Variants in LSAMP observed in about 807,000 individuals in gnomAD.
LSAMP encodes limbic system-associated membrane protein.
LSAMP carries 7 observed loss-of-function variants against 38.6 expected under a neutral mutation model. The ratio of observed to expected loss-of-function variants is 0.18; its 90% CI spans 0.10 to 0.34. LSAMP has a LOEUF of 0.34. Ranked by LOEUF, LSAMP falls within the 10% of genes least tolerant of loss-of-function variation. LSAMP has a pLI of 1.00. For missense variants in LSAMP, 313 were observed against 420.0 expected (o/e 0.75, Z 2.23); for synonymous variants, 154 against 166.8 (o/e 0.92, Z 0.59).
intron 5 of LSAMP, 58 bp from the exon 6 acceptor site, chr3:115,842,051 A>T (rs1935014578): frequency 6.5e-7 from 1 of 1,533,004 alleles, no homozygotes. Flanking sequence ...TTAGCTTAGG[A>T]ATTCTTTCCC....
chr3:116,131,606 A>C (rs1167858058), intron 1 of LSAMP, among the ~76,000 whole-genome samples: 1 of 152,146 alleles, frequency 6.6e-6, no homozygotes, highest in African/African-American at 2.4e-5. Flanking sequence ...AAAGCAAGTA[A>C]AGCAAGGCGT....
chr3:116,107,188 T>C (rs1157482166), intron 1 of LSAMP, among the ~76,000 whole-genome samples: 2 of 152,028 alleles, frequency 1.3e-5, no homozygotes, highest in Non-Finnish European at 2.9e-5. Context: ...TCTGGAATAA[T>C]GTGGGAGGCT....
intron 1 of LSAMP, chr3:116,367,845 A>G (rs1208136680): frequency 6.6e-6 from 1 of 151,942 alleles, no homozygotes; most frequent in Non-Finnish European, 1.5e-5. Flanking sequence ...CAAACAAACG[A>G]ACAAAAAAAA....
At chr3:116,118,279 A>G (rs1263098128) in intron 1 of LSAMP, among the ~76,000 whole-genome samples, 1 of 152,100 alleles carries the variant, frequency 6.6e-6, no homozygotes, top group Non-Finnish European at 1.5e-5. Flanking sequence ...TCTTATTTTA[A>G]TTGCTCCCCA....
chr3:115,940,984 A>T (rs1351238607), intron 3 of LSAMP, among the ~76,000 whole-genome samples: 1 of 152,190 alleles, frequency 6.6e-6, no homozygotes, highest in Admixed American at 6.5e-5. Flanking sequence ...AATCAACAAG[A>T]TAAATAGGCA....
chr3:115,908,733 T>C (rs529139548), intron 3 of LSAMP, among the ~76,000 whole-genome samples: 1 of 152,264 alleles, frequency 6.6e-6, no homozygotes, highest in African/African-American at 2.4e-5. Context: ...AAAGCATTAG[T>C]TTTAAGTCAT....
chr3:116,305,933 CT>C (rs11347560), intron 1 of LSAMP, among the ~76,000 whole-genome samples: 97,920 of 143,892 alleles, frequency 0.68, 36,122 homozygotes, highest in East Asian at 0.89. Context: ...TATTTCAGTG[CT>C]TTTTTTTTTT....
chr3:116,273,813 TTCTC>T (rs1553719974), intron 1 of LSAMP, among the ~76,000 whole-genome samples: 1 of 136,784 alleles, frequency 7.3e-6, no homozygotes, highest in African/African-American at 2.8e-5. Flanking sequence ...TTTTCTTTCT[TTCTC>T]TCTCTCTCTC....
At chr3:116,233,924 T>C (rs576000874) in intron 1 of LSAMP, among the ~76,000 whole-genome samples, 5 of 152,334 alleles carry the variant, frequency 3.3e-5, no homozygotes, top group African/African-American at 1.2e-4. Flanking sequence ...CAACATGCTC[T>C]ATGATCTGCA....
chr3:115,928,700 A>G (rs1462382137), intron 3 of LSAMP, among the ~76,000 whole-genome samples: 1 of 152,184 alleles, frequency 6.6e-6, no homozygotes, highest in Non-Finnish European at 1.5e-5. Flanking sequence ...AGGGGCTGTA[A>G]AGGAAAAGGG....
At chr3:116,118,406 C>T (rs552188132) in intron 1 of LSAMP, among the ~76,000 whole-genome samples, 3 of 152,284 alleles carry the variant, frequency 2.0e-5, no homozygotes, top group South Asian at 2.1e-4. Flanking sequence ...TACTGGCTTA[C>T]GCTTCAGCAT....
intron 1 of LSAMP, among the ~76,000 whole-genome samples, chr3:116,166,102 T>A (rs1710044099): frequency 6.6e-6 from 1 of 152,226 alleles, no homozygotes; most frequent in Non-Finnish European, 1.5e-5. Flanking sequence ...CCATAATACC[T>A]GTCATGTCAT....
intron 1 of LSAMP, among the ~76,000 whole-genome samples, chr3:116,431,038 T>C (rs913348024): frequency 1.3e-5 from 2 of 152,054 alleles, no homozygotes; most frequent in African/African-American, 4.8e-5. Context: ...TTCATCCATA[T>C]TTACCTTATA....
At chr3:115,925,291 G>A (rs1015493454) in intron 3 of LSAMP, among the ~76,000 whole-genome samples, 1 of 152,212 alleles carries the variant, frequency 6.6e-6, no homozygotes, top group Non-Finnish European at 1.5e-5. Context: ...CTACAAGCCA[G>A]GGTTCAGAAT....
At chr3:116,186,303 C>G (rs956918648) in intron 1 of LSAMP, among the ~76,000 whole-genome samples, 2 of 152,150 alleles carry the variant, frequency 1.3e-5, no homozygotes, top group African/African-American at 2.4e-5. Context: ...CTTGTCCCGA[C>G]CAATGCCATC....
intron 3 of LSAMP, among the ~76,000 whole-genome samples, chr3:115,930,205 T>G (rs897846229): frequency 6.6e-6 from 1 of 151,920 alleles, no homozygotes; most frequent in Non-Finnish European, 1.5e-5. Context: ...GCACATTGAA[T>G]TACCAAAATA....
Position 116,380,214 on chromosome 3 carries a change from A to T in LSAMP, c.155+64663T>A, listed in dbSNP as rs192608642. On this transcript the variant is annotated intron_variant, in intron 1 of 6. Transcript: ENST00000490035. Reference sequence around the variant, plus strand: ...ATAGGCGGCAAAAATTATAATCCATAGAAAGGGCTGAACATAGTATTTGGA... The same window carrying T: ...ATAGGCGGCAAAAATTATAATCCATTGAAAGGGCTGAACATAGTATTTGGA... 8.5e-5 allele frequency among the ~76,000 whole-genome samples: 13 copies of T among 152,182 alleles called. No individual in the cohort carries two copies. In the East Asian group the frequency reaches 2.3e-3, roughly 27 times the overall value.
intron 1 of LSAMP, among the ~76,000 whole-genome samples, chr3:116,224,980 C>T (rs2046326710): frequency 6.6e-6 from 1 of 152,136 alleles, no homozygotes; most frequent in African/African-American, 2.4e-5. Flanking sequence ...GACAGATTTT[C>T]TCAGATTATA....
intron 1 of LSAMP, among the ~76,000 whole-genome samples, chr3:116,381,935 T>C (rs1422903026): frequency 6.6e-6 from 1 of 152,094 alleles, no homozygotes; most frequent in African/African-American, 2.4e-5. Flanking sequence ...AATTTGACCA[T>C]GGCTTGTTTT....
Sources: gnomAD v4.1 joint callset for allele counts (sites outside exome capture counted in the v4.1 genomes callset) on GRCh38, gnomAD v4.1.1 for gene constraint, MANE v1.5 for transcripts, NCBI Gene and HGNC (gene_info 2026-07-23, HGNC 2026-07-21) for gene names.